The following SORCS2 variants were observed in gnomAD, a reference collection of about 807,000 sequenced individuals.
SORCS2 encodes VPS10 domain-containing receptor SorCS2.
A neutral mutation model predicts 141.6 loss-of-function variants in SORCS2; 100 were observed. The observed-to-expected ratio is 0.71, with a 90% CI of 0.60 to 0.83. The LOEUF (loss-of-function observed/expected upper bound fraction) is 0.83. SORCS2 is among the 40% of genes least tolerant of loss of function. The pLI, the probability that SORCS2 is intolerant of heterozygous loss-of-function variation, is 0.00. For missense variants in SORCS2, 1,646 were observed against 1,560.2 expected (o/e 1.05, Z -0.93); for synonymous variants, 789 against 676.9 (o/e 1.17, Z -2.57).
intron 4 of SORCS2, among the ~76,000 whole-genome samples, chr4:7,652,889 A>G (rs1370879242): frequency 2.6e-5 from 4 of 152,150 alleles, no homozygotes; most frequent in Non-Finnish European, 1.5e-5. Context: ...AATGTTGACA[A>G]TCAGGTCAAA....
intron 1 of SORCS2, among the ~76,000 whole-genome samples, chr4:7,305,622 T>C (rs1717767525): frequency 6.6e-6 from 1 of 152,220 alleles, no homozygotes; most frequent in Non-Finnish European, 1.5e-5. Context: ...TGAGAGAAGC[T>C]GTTTTTGCTC....
intron 2 of SORCS2, among the ~76,000 whole-genome samples, chr4:7,465,489 C>T (rs1053260138): frequency 8.1e-4 from 123 of 151,838 alleles, no homozygotes; most frequent in African/African-American, 2.1e-3. Context: ...TGGGCACAGG[C>T]ACTGTGAGGA....
At chr4:7,230,778 T>C (rs528565257) in intron 1 of SORCS2, among the ~76,000 whole-genome samples, 33 of 151,814 alleles carry the variant, frequency 2.2e-4, no homozygotes, top group African/African-American at 8.0e-4. Context: ...TGCTCATGTA[T>C]GATGGAGATG....
At chr4:7,548,455 C>T (rs934837203) in intron 3 of SORCS2, among the ~76,000 whole-genome samples, 1 of 152,300 alleles carries the variant, frequency 6.6e-6, no homozygotes, top group South Asian at 2.1e-4. Context: ...TAAGTGCCCG[C>T]TGGAAGCTGA....
chr4:7,373,478 A>ATATATATATATATATATTTTTTTT (rs1470691140), intron 1 of SORCS2, among the ~76,000 whole-genome samples: 1 of 36,818 alleles, frequency 2.7e-5, no homozygotes, highest in Admixed American at 4.1e-4. Context: ...ATATATATAT[A>ATATATATATATATATATTTTTTTT]TTTTTTTTTT....
chr4:7,314,800 G>GTTTTT (rs397880294), intron 1 of SORCS2, among the ~76,000 whole-genome samples: 55 of 109,816 alleles, frequency 5.0e-4, no homozygotes, highest in Non-Finnish European at 8.4e-4. Context: ...CCACTGTTCT[G>GTTTTT]TTTTTTTTTT....
intron 2 of SORCS2, among the ~76,000 whole-genome samples, chr4:7,503,269 G>A (rs1304609410): frequency 6.6e-6 from 1 of 152,176 alleles, no homozygotes; most frequent in Admixed American, 6.5e-5. Flanking sequence ...TCACGGCCCT[G>A]GAGTTCCTGG....
intron 1 of SORCS2, among the ~76,000 whole-genome samples, chr4:7,307,388 C>T (rs981678292): frequency 2.0e-5 from 3 of 152,252 alleles, no homozygotes; most frequent in African/African-American, 4.8e-5. Context: ...TGTACAGAGT[C>T]CTGTCCCTTT....
At chr4:7,540,216 C>G (rs553237437) in intron 3 of SORCS2, among the ~76,000 whole-genome samples, 2 of 141,362 alleles carry the variant, frequency 1.4e-5, no homozygotes, top group South Asian at 4.9e-4. Context: ...CTGCCCCTGC[C>G]TCTGCCTCTC....
chr4:7,316,361 T>A (rs1718559727), intron 1 of SORCS2, among the ~76,000 whole-genome samples: 1 of 152,236 alleles, frequency 6.6e-6, no homozygotes, highest in East Asian at 1.9e-4. Context: ...GTGTCTGGGA[T>A]ATAGGAAGAA....
At chr4:7,646,505 G>A (rs908614075) in intron 4 of SORCS2, among the ~76,000 whole-genome samples, 1 of 152,200 alleles carries the variant, frequency 6.6e-6, no homozygotes, top group Non-Finnish European at 1.5e-5. Flanking sequence ...ACAGAGGCGG[G>A]AGTGGTGGTG....
At position 7,380,910 on chromosome 4, in the gene SORCS2, C is replaced by T. The variant is rs531402277; in HGVS notation, c.481-15378C>T. On this transcript the variant is annotated intron_variant, in intron 1 of 26. Coordinates refer to ENST00000507866, the MANE Select transcript of SORCS2 (RefSeq NM_020777.3). Reference sequence around the variant, plus strand: ...CAGCCTGGCCAACACGGTGAAACCCCGTCTCTACTAAAAATACAAAAATTA... The same window carrying T: ...CAGCCTGGCCAACACGGTGAAACCCTGTCTCTACTAAAAATACAAAAATTA... Among the ~76,000 whole-genome samples the T allele has an allele frequency of 4.5e-4, 69 of 152,160 alleles. 1 individual carries two copies. In the East Asian group the frequency reaches 0.011, roughly 24 times the overall value.
chr4:7,688,725 G>A (rs1045111515), intron 10 of SORCS2, among the ~76,000 whole-genome samples: 33 of 152,262 alleles, frequency 2.2e-4, no homozygotes, highest in African/African-American at 7.7e-4. Context: ...AAATTAGGAA[G>A]GCTGAGCCCA....
At chr4:7,525,097 A>G (rs1733588533) in intron 2 of SORCS2, among the ~76,000 whole-genome samples, 1 of 152,192 alleles carries the variant, frequency 6.6e-6, no homozygotes, top group Non-Finnish European at 1.5e-5. Context: ...ATAAATCTTC[A>G]TCATTAGATA....
intron 12 of SORCS2, among the ~76,000 whole-genome samples, chr4:7,699,962 A>G (rs886251795): frequency 2.0e-5 from 3 of 152,072 alleles, no homozygotes; most frequent in African/African-American, 7.2e-5. Flanking sequence ...TCTGAAAGGG[A>G]ATGTGCTCTT....
At chr4:7,470,038 G>C (rs969417300) in intron 2 of SORCS2, among the ~76,000 whole-genome samples, 2 of 152,182 alleles carry the variant, frequency 1.3e-5, no homozygotes, top group African/African-American at 4.8e-5. Flanking sequence ...GTGTCCTCCA[G>C]GGAAGTTCAT....
At chr4:7,297,400 A>C (rs1337375860) in intron 1 of SORCS2, among the ~76,000 whole-genome samples, 1 of 151,916 alleles carries the variant, frequency 6.6e-6, no homozygotes, top group East Asian at 1.9e-4. Context: ...CTTTTTCTGC[A>C]GGCCCCCGCC....
intron 2 of SORCS2, among the ~76,000 whole-genome samples, chr4:7,477,488 G>A (rs1316521023): frequency 6.6e-6 from 1 of 151,512 alleles, no homozygotes; most frequent in Non-Finnish European, 1.5e-5. Flanking sequence ...AGAACAGAGC[G>A]GCCCAGTGAG....
chr4:7,318,925 C>A (rs1229976660), intron 1 of SORCS2, among the ~76,000 whole-genome samples: 1 of 152,184 alleles, frequency 6.6e-6, no homozygotes, highest in East Asian at 1.9e-4. Flanking sequence ...AACTACCGAT[C>A]TGGTTTTGGT....
Sources: allele counts gnomAD v4.1 joint callset (sites outside exome capture counted in the v4.1 genomes callset), GRCh38; gene constraint gnomAD v4.1.1; transcripts MANE v1.5; gene names NCBI Gene and HGNC (gene_info 2026-07-23, HGNC 2026-07-21).